Variants in MAP2 observed in about 807,000 individuals in gnomAD.
MAP2 encodes microtubule associated protein 2.
MAP2 carries 14 observed loss-of-function variants against 137.6 expected under a neutral mutation model. The observed-to-expected ratio is 0.10, with a 90% CI of 0.07 to 0.16. MAP2 has a LOEUF of 0.16. Among genes scored for constraint, MAP2 ranks in the 10% least tolerant of loss-of-function variants. The pLI, the probability that MAP2 is intolerant of heterozygous loss-of-function variation, is 1.00. For synonymous variants in MAP2, 786 were observed against 782.3 expected (o/e 1.00, Z -0.08); for missense variants, 2,088 against 2,191.5 (o/e 0.95, Z 0.94).
intron 3 of MAP2, among the ~76,000 whole-genome samples, chr2:209,583,985 C>T (rs566465077): frequency 4.6e-5 from 7 of 151,780 alleles, no homozygotes; most frequent in African/African-American, 1.4e-4. Flanking sequence ...CCACAATTAC[C>T]GAGTGTTTAG....
intron 7 of MAP2, among the ~76,000 whole-genome samples, chr2:209,682,467 G>A (rs1461224241): frequency 1.3e-5 from 2 of 152,158 alleles, no homozygotes; most frequent in Non-Finnish European, 2.9e-5. Context: ...CTGTAGCCTG[G>A]TGACATAGCG....
rs1213881542 is a variant in MAP2 at position 209,731,573 on chromosome 2, G to A, written c.*1176G>A. 6.6e-6 allele frequency: 1 copy of A among 152,236 alleles called. No homozygotes were observed. Among genetic ancestry groups the A allele is most frequent in the Non-Finnish European group, 1.5e-5 (1 of 67,942 alleles). 9.4% of individuals were successfully genotyped at this position (152,236 alleles called of 1,614,324 possible). On this transcript the variant is annotated 3_prime_UTR_variant, in exon 16 of 16. Coordinates refer to ENST00000682079, the MANE Select transcript of MAP2 (RefSeq NM_001375505.1). ...TCATTTTTAATCACAGGATAGTTTGGGGTTTATTCCTATTATTATTCATGA... is the reference window on the plus strand; with the variant it reads ...TCATTTTTAATCACAGGATAGTTTGAGGTTTATTCCTATTATTATTCATGA...
chr2:209,439,856 G>A, intron 1 of MAP2, among the ~76,000 whole-genome samples: 1 of 151,322 alleles, frequency 6.6e-6, no homozygotes, highest in Admixed American at 6.6e-5. Flanking sequence ...TATAGACAAA[G>A]CACTGAATTT....
chr2:209,605,660 T>C (rs545701225), intron 3 of MAP2, among the ~76,000 whole-genome samples: 1 of 152,270 alleles, frequency 6.6e-6, no homozygotes, highest in South Asian at 2.1e-4. Context: ...GGTAAAAATA[T>C]TTAAGCACTT....
intron 2 of MAP2, among the ~76,000 whole-genome samples, chr2:209,523,341 G>A (rs906238873): frequency 3.3e-5 from 5 of 152,148 alleles, no homozygotes; most frequent in African/African-American, 1.2e-4. Flanking sequence ...CTGGAACTTA[G>A]TGCGTTGCTT....
At chr2:209,645,569 G>A (rs1033227896) in intron 4 of MAP2, among the ~76,000 whole-genome samples, 1 of 152,124 alleles carries the variant, frequency 6.6e-6, no homozygotes, top group East Asian at 1.9e-4. Context: ...GACATTTTGT[G>A]TGGAAAATAT....
chr2:209,531,519 C>A (rs2065106624), intron 2 of MAP2, among the ~76,000 whole-genome samples: 1 of 152,110 alleles, frequency 6.6e-6, no homozygotes, highest in Non-Finnish European at 1.5e-5. Flanking sequence ...GTGTGTTTGC[C>A]AAATTTATGC....
rs2059488224 is a variant in MAP2 at position 209,693,594 on chromosome 2, C to G, written c.1424C>G (p.Thr475Ser). 1 of 1,613,836 alleles carries G rather than the reference C, an allele frequency of 6.2e-7. No homozygotes were observed. Among genetic ancestry groups the G allele is most frequent in the East Asian group, 2.2e-5 (1 of 44,872 alleles). ...PADEEIGIIQ[T>S]STEHTFSEQK... is the part of the protein sequence containing the mutation. ...GATGAAGAAATAGGCATAATTCAGA[C>G]CTCCACAGAGCACACTTTCTCAGAA... Residue 475 changes from threonine (T) to serine (S), a missense_variant, in exon 8 of 16, where the codon ACC becomes AGC. Thr to Ser is a moderately conservative substitution (Grantham distance 58, BLOSUM62 1). Around this residue, in one of 6 missense-constraint regions of MAP2, gnomAD observed 859 missense variants for 794.5 expected, o/e 1.08. Transcript: ENST00000682079.
At chr2:209,691,755 A>C (rs2058974140) in intron 7 of MAP2, among the ~76,000 whole-genome samples, 1 of 152,202 alleles carries the variant, frequency 6.6e-6, no homozygotes. Context: ...TCATGCTCCA[A>C]GGATTGAGGT....
At chr2:209,428,713 A>G (rs1312410166) in intron 1 of MAP2, among the ~76,000 whole-genome samples, 2 of 151,738 alleles carry the variant, frequency 1.3e-5, no homozygotes, top group Non-Finnish European at 2.9e-5. Context: ...CTTGGCTTTT[A>G]TATCCCCTAG....
At chr2:209,718,839 G>A (rs2068884973) in intron 13 of MAP2, among the ~76,000 whole-genome samples, 1 of 152,100 alleles carries the variant, frequency 6.6e-6, no homozygotes, top group Non-Finnish European at 1.5e-5. Context: ...TGATTATAAT[G>A]TCTGCATACA....
At chr2:209,456,811 A>T (rs1328816366) in intron 1 of MAP2, among the ~76,000 whole-genome samples, 1 of 152,256 alleles carries the variant, frequency 6.6e-6, no homozygotes, top group African/African-American at 2.4e-5. Context: ...TCACAACAGC[A>T]TGTTATAAAC....
intron 1 of MAP2, among the ~76,000 whole-genome samples, chr2:209,454,775 G>T: frequency 6.6e-6 from 1 of 152,026 alleles, no homozygotes; most frequent in Non-Finnish European, 1.5e-5. Context: ...TAGACTAAGG[G>T]TTAAACAGGT....
chr2:209,482,681 T>A (rs2057879983), intron 1 of MAP2, among the ~76,000 whole-genome samples: 1 of 152,182 alleles, frequency 6.6e-6, no homozygotes, highest in African/African-American at 2.4e-5. Context: ...ATTCTAATGA[T>A]GAAAAAACTG....
intron 3 of MAP2, among the ~76,000 whole-genome samples, chr2:209,599,135 C>T (rs2082258017): frequency 6.6e-6 from 1 of 152,138 alleles, no homozygotes; most frequent in African/African-American, 2.4e-5. Flanking sequence ...TTAAAGATTG[C>T]CATTCTAACT....
rs186259177 is a variant in MAP2 at position 209,506,619 on chromosome 2, G to A, written c.-221-973G>A. ...GACTTTGGCACAAAAGTTTGTTTTT[G>A]TCCCTGGTTTACCTTCTTTATACTT... is the stretch of plus-strand genomic sequence containing the variant. On this transcript the variant is annotated intron_variant, in intron 1 of 15. Transcript: ENST00000682079. Among the ~76,000 whole-genome samples, 1,100 of 152,222 alleles carry A rather than the reference G, an allele frequency of 7.2e-3. 9 individuals are homozygous for A. Among genetic ancestry groups the A allele is most frequent in the Middle Eastern group, 0.027 (8 of 294 alleles).
chr2:209,490,806 T>G (rs2059015048), intron 1 of MAP2, among the ~76,000 whole-genome samples: 1 of 151,810 alleles, frequency 6.6e-6, no homozygotes, highest in African/African-American at 2.4e-5. Flanking sequence ...TAAAGCAGGT[T>G]CTTAGAGACC....
chr2:209,462,879 T>A (rs183411114), intron 1 of MAP2, among the ~76,000 whole-genome samples: 1 of 152,152 alleles, frequency 6.6e-6, no homozygotes, highest in Non-Finnish European at 1.5e-5. Flanking sequence ...TTGTAAATAA[T>A]CTTATAATAG....
chr2:209,589,203 A>C (rs1169790186), intron 3 of MAP2, among the ~76,000 whole-genome samples: 2 of 152,172 alleles, frequency 1.3e-5, no homozygotes, highest in Non-Finnish European at 2.9e-5. Context: ...CTTTTAAGTA[A>C]TATGAAACAT....
Sources: allele counts gnomAD v4.1 joint callset (sites outside exome capture counted in the v4.1 genomes callset), GRCh38; gene constraint gnomAD v4.1.1; regional missense constraint gnomAD v4.1.1; transcripts MANE v1.5; gene names NCBI Gene and HGNC (gene_info 2026-07-23, HGNC 2026-07-21).